The following EML6 variants were observed in gnomAD, a reference collection of about 807,000 sequenced individuals.
The protein encoded by EML6 is EMAP like 6.
In EML6, 154 loss-of-function variants were observed where a neutral mutation model predicts 240.1. That is an observed-to-expected ratio of 0.64 (90% CI 0.56 to 0.73). The LOEUF is 0.73. Ranked by LOEUF, EML6 falls within the 30% of genes least tolerant of loss-of-function variation. The pLI, the probability that EML6 is intolerant of heterozygous loss-of-function variation, is 0.00. For missense variants in EML6, 2,964 were observed against 2,474.6 expected (o/e 1.20, Z -4.20); for synonymous variants, 1,148 against 899.0 (o/e 1.28, Z -4.95).
chr2:54,879,214 T>C (rs1412991986), intron 16 of EML6, among the ~76,000 whole-genome samples: 2 of 152,220 alleles, frequency 1.3e-5, no homozygotes, highest in African/African-American at 4.8e-5. Context: ...TCCCTCTAGC[T>C]CTGTGTCTCA....
chr2:54,760,008 C>T (rs1306879867), intron 2 of EML6, among the ~76,000 whole-genome samples: 1 of 151,700 alleles, frequency 6.6e-6, no homozygotes, highest in African/African-American at 2.4e-5. Context: ...AAGACTCCGG[C>T]TCCGATTCTG....
intron 16 of EML6, among the ~76,000 whole-genome samples, chr2:54,872,549 C>T (rs574206294): frequency 4.6e-5 from 7 of 152,074 alleles, no homozygotes; most frequent in Non-Finnish European, 1.0e-4. Flanking sequence ...CTGGAGTCTC[C>T]CAAAAGCATA....
intron 26 of EML6, among the ~76,000 whole-genome samples, chr2:54,921,060 C>T (rs141891731): frequency 1.1e-3 from 171 of 151,836 alleles, no homozygotes; most frequent in African/African-American, 3.9e-3. Flanking sequence ...GATGAAAAGC[C>T]GAAAACTTTT....
chr2:54,845,478 C>T (rs1277205894), intron 8 of EML6, among the ~76,000 whole-genome samples: 1 of 152,182 alleles, frequency 6.6e-6, no homozygotes, highest in Non-Finnish European at 1.5e-5. Context: ...AATCTTATTC[C>T]CTTTAACCAT....
intron 28 of EML6, among the ~76,000 whole-genome samples, chr2:54,940,885 G>A (rs1675394859): frequency 6.6e-6 from 1 of 152,220 alleles, no homozygotes; most frequent in African/African-American, 2.4e-5. Context: ...GAATCAAGAA[G>A]ATTCTGTGTC....
At chr2:54,927,444 A>C (rs1349849958) in intron 26 of EML6, among the ~76,000 whole-genome samples, 1 of 152,210 alleles carries the variant, frequency 6.6e-6, no homozygotes, top group African/African-American at 2.4e-5. Context: ...CAGAGAGTGC[A>C]TGTGGCCTTC....
intron 41 of EML6, 35 bp from the exon 42 acceptor site, chr2:54,970,036 G>A (rs911753618): frequency 5.2e-6 from 8 of 1,551,168 alleles, no homozygotes; most frequent in Non-Finnish European, 7.0e-6. Context: ...ATGATGTCCA[G>A]CTATGCAAAA....
chr2:54,941,779 C>T (rs901696104), intron 28 of EML6, among the ~76,000 whole-genome samples: 2 of 152,222 alleles, frequency 1.3e-5, no homozygotes, highest in African/African-American at 4.8e-5. Context: ...GCACGCAGGG[C>T]GAGGAGCACT....
intron 21 of EML6, among the ~76,000 whole-genome samples, chr2:54,896,156 A>G (rs147560875): frequency 7.2e-5 from 11 of 152,334 alleles, no homozygotes; most frequent in Non-Finnish European, 1.3e-4. Flanking sequence ...AAGGTCCCCA[A>G]GAGCCTTATC....
At chr2:54,956,040 TA>T (rs751085678) in intron 32 of EML6, among the ~76,000 whole-genome samples, 1 of 148,824 alleles carries the variant, frequency 6.7e-6, no homozygotes, top group Non-Finnish European at 1.5e-5. Flanking sequence ...TGTGTGTAGG[TA>T]AAAATAAAAT....
Position 54,763,291 on chromosome 2 carries a change from T to C in EML6, c.197+38033T>C, listed in dbSNP as rs371121181. ...GTTCAGAAGTTACTTGGATTAGTTC[T>C]GTATTTTAAAAATTCAGCATGGTTA... On this transcript the variant is annotated intron_variant, in intron 2 of 41. Transcript: ENST00000356458. Among the ~76,000 whole-genome samples, 8 of 152,372 alleles carry C rather than the reference T, an allele frequency of 5.3e-5. No individual in the cohort carries two copies. The East Asian group carries it at 1.3e-3, about 26-fold the overall frequency.
intron 16 of EML6, among the ~76,000 whole-genome samples, chr2:54,872,562 T>A (rs1165842754): frequency 6.6e-6 from 1 of 152,162 alleles, no homozygotes; most frequent in Non-Finnish European, 1.5e-5. Context: ...AAAGCATAGT[T>A]ACCATTGCCA....
chr2:54,937,771 A>G (rs1159442627), intron 28 of EML6, among the ~76,000 whole-genome samples: 2 of 152,112 alleles, frequency 1.3e-5, no homozygotes, highest in African/African-American at 2.4e-5. Context: ...CATCTTCTAA[A>G]AAAAGTTTCA....
intron 25 of EML6, among the ~76,000 whole-genome samples, chr2:54,915,853 T>C (rs1439831585): frequency 6.6e-6 from 1 of 152,180 alleles, no homozygotes; most frequent in East Asian, 1.9e-4. Context: ...GTGCTTTCTC[T>C]AAAGAAACTG....
chr2:54,952,522 G>A (rs1003137653), intron 30 of EML6, 72 bp from the exon 31 acceptor site: 8 of 872,304 alleles, frequency 9.2e-6, no homozygotes, highest in East Asian at 2.8e-5. Context: ...ATGGCTCCAC[G>A]CGATGTTTTG....
At chr2:54,924,747 G>C (rs911196443) in intron 26 of EML6, among the ~76,000 whole-genome samples, 1 of 152,130 alleles carries the variant, frequency 6.6e-6, no homozygotes, top group Non-Finnish European at 1.5e-5. Context: ...ATTTTTAGTA[G>C]AGATGGGGTT....
At chr2:54,829,871 G>C (rs1668781344) in intron 7 of EML6, among the ~76,000 whole-genome samples, 1 of 152,190 alleles carries the variant, frequency 6.6e-6, no homozygotes, top group African/African-American at 2.4e-5. Flanking sequence ...GATAATTATA[G>C]TAGTAGGGAT....
At chr2:54,902,684 C>G (rs4671990) in intron 22 of EML6, among the ~76,000 whole-genome samples, 21,996 of 152,224 alleles carry the variant, frequency 0.14, 2,025 homozygotes, top group South Asian at 0.28. Flanking sequence ...CAGGCATAAG[C>G]CACTGCACCT....
At chr2:54,834,317 T>C (rs1383743732) in intron 7 of EML6, among the ~76,000 whole-genome samples, 1 of 152,172 alleles carries the variant, frequency 6.6e-6, no homozygotes, top group Non-Finnish European at 1.5e-5. Context: ...ATGATCTGGG[T>C]AAAATAATGA....
Sources: allele counts gnomAD v4.1 joint callset (sites outside exome capture counted in the v4.1 genomes callset), GRCh38; gene constraint gnomAD v4.1.1; transcripts MANE v1.5; gene names NCBI Gene and HGNC (gene_info 2026-07-23, HGNC 2026-07-21).